SIK3: variants seen among roughly 807,000 people sequenced by gnomAD.
The protein encoded by SIK3 is serine/threonine-protein kinase SIK3.
A neutral mutation model predicts 144.2 loss-of-function variants in SIK3; 28 were observed. The ratio of observed to expected loss-of-function variants is 0.19; its 90% CI spans 0.14 to 0.27. The LOEUF (loss-of-function observed/expected upper bound fraction) is 0.27, where lower values mean the gene tolerates loss of function less well. SIK3 is among the 10% of genes least tolerant of loss of function. The pLI is 1.00. For synonymous variants in SIK3, 686 were observed against 676.3 expected, an observed-to-expected ratio of 1.01 and a Z score of -0.22; for missense variants, 1,319 against 1,776.0, an observed-to-expected ratio of 0.74 and a Z score of 4.62.
intron 4 of SIK3, among the ~76,000 whole-genome samples, chr11:116,910,278 A>C (rs1447001548): frequency 1.3e-5 from 2 of 152,152 alleles, no homozygotes; most frequent in Non-Finnish European, 2.9e-5. Context: ...CTTTTCCTTC[A>C]ATATGTAAAC....
At chr11:116,983,506 G>A (rs911201314) in intron 1 of SIK3, among the ~76,000 whole-genome samples, 7 of 151,966 alleles carry the variant, frequency 4.6e-5, no homozygotes, top group Admixed American at 4.6e-4. Context: ...CTCCAGCCTG[G>A]GCGACACAGC....
At chr11:116,991,641 C>A (rs1207253413) in intron 1 of SIK3, among the ~76,000 whole-genome samples, 1 of 152,186 alleles carries the variant, frequency 6.6e-6, no homozygotes, top group Non-Finnish European at 1.5e-5. Context: ...TCTAAAAGGT[C>A]TAACCAACCT....
intron 1 of SIK3, among the ~76,000 whole-genome samples, chr11:117,069,511 T>A (rs2135992548): frequency 6.6e-6 from 1 of 152,306 alleles, no homozygotes; most frequent in Non-Finnish European, 1.5e-5. Flanking sequence ...ACTGCCCCAA[T>A]TATCATATAA....
At chr11:116,847,683 C>G (rs1942088293) in intron 22 of SIK3, 75 bp from the exon 23 acceptor site, 8 of 1,592,032 alleles carry the variant, frequency 5.0e-6, no homozygotes. Context: ...ACAGCTGGTC[C>G]TTCTGAAGGA....
Position 116,967,914 on chromosome 11 carries a change from C to G in SIK3, c.274-10850G>C, listed in dbSNP as rs11216202. 8.2e-3 allele frequency among the ~76,000 whole-genome samples: 1,255 copies of G among 152,264 alleles called. 14 individuals are homozygous for G. The highest frequency in any genetic ancestry group is 0.026 in the African/African-American group (1,073 of 41,544). ...ACACTACCAGCGCTGACAGATAATG[C>G]CCCTCTGGGATTCCTTCAAAATGGA... On this transcript the variant is annotated intron_variant, in intron 1 of 24. Transcript: ENST00000445177.
intron 1 of SIK3, among the ~76,000 whole-genome samples, chr11:117,096,832 C>CA (rs1289212899): frequency 6.6e-6 from 1 of 151,936 alleles, no homozygotes; most frequent in African/African-American, 2.4e-5. Context: ...AAGCCACTGC[C>CA]AAAAAAGCAA....
rs562341640 is a variant in SIK3, at chr11:116,918,704, G to A, written c.616+8515C>T. ...TACACTTCAGTGTTCCAAGATATAC[G>A]AGAAACCGTAGGCTAAATAGGGTGC... On this transcript the variant is annotated intron_variant, in intron 4 of 24. Transcript: ENST00000445177. Among the ~76,000 whole-genome samples, 12 of 152,202 alleles carry A rather than the reference G, an allele frequency of 7.9e-5. No homozygotes were observed. The East Asian group carries it at 1.7e-3, about 22-fold the overall frequency.
At chr11:117,014,809 A>C (rs960915223) in intron 1 of SIK3, among the ~76,000 whole-genome samples, 1 of 152,190 alleles carries the variant, frequency 6.6e-6, no homozygotes, top group African/African-American at 2.4e-5. Flanking sequence ...TCACACCTGG[A>C]ATCTCTCACT....
At chr11:116,894,961 C>A (rs565834256) in intron 6 of SIK3, among the ~76,000 whole-genome samples, 88 of 152,238 alleles carry the variant, frequency 5.8e-4, no homozygotes, top group South Asian at 1.0e-3. Context: ...AAAGTCACTG[C>A]AAAATTTTTC....
In SIK3 at chr11:116,857,974, G is replaced by A. The variant is rs750093790; in HGVS notation, c.3491C>T (p.Thr1164Ile). 1 of 1,614,220 alleles carries A rather than the reference G, an allele frequency of 6.2e-7. No homozygotes were observed. Among genetic ancestry groups the A allele is most frequent in the Non-Finnish European group, 8.5e-7 (1 of 1,180,046 alleles). ...GCTGTCATGGCAACCTTTGGTCAATGTACTTGAACTCTTACTGTCTTGGAA... is the reference window on the plus strand; with the variant it reads ...GCTGTCATGGCAACCTTTGGTCAATATACTTGAACTCTTACTGTCTTGGAA... ...DGFQDSKSSSTLTKGCHDSPL... is the reference protein window; with the variant it reads ...DGFQDSKSSSILTKGCHDSPL... The change falls in exon 21 of 25, where the codon ACA becomes ATA. Residue 1164 changes from threonine to isoleucine, a missense_variant. Physicochemically the swap from Thr to Ile is moderately conservative, Grantham distance 89. Around this residue, in one of 8 missense-constraint regions of SIK3, gnomAD observed 646 missense variants for 763.7 expected, o/e 0.85. Coordinates refer to ENST00000445177, the MANE Select transcript of SIK3 (RefSeq NM_001366686.3).
At chr11:117,047,078 C>G (rs1591604632) in intron 1 of SIK3, among the ~76,000 whole-genome samples, 1 of 152,134 alleles carries the variant, frequency 6.6e-6, no homozygotes, top group East Asian at 1.9e-4. Flanking sequence ...TTTAATATAA[C>G]TTTTATCATA....
intron 4 of SIK3, among the ~76,000 whole-genome samples, chr11:116,914,529 C>G (rs917113307): frequency 6.6e-6 from 1 of 152,084 alleles, no homozygotes; most frequent in Non-Finnish European, 1.5e-5. Flanking sequence ...TGATGGACCA[C>G]AAATGTATTC....
chr11:116,981,998 T>C (rs7112772), intron 1 of SIK3, among the ~76,000 whole-genome samples: 10,740 of 152,260 alleles, frequency 0.071, 668 homozygotes, highest in African/African-American at 0.17. Flanking sequence ...AATCTTTGAG[T>C]ATGGGCGTCT....
At chr11:116,894,604 G>A (rs981387537) in intron 6 of SIK3, among the ~76,000 whole-genome samples, 1 of 152,194 alleles carries the variant, frequency 6.6e-6, no homozygotes, top group Non-Finnish European at 1.5e-5. Flanking sequence ...CAGCCACTTG[G>A]TAGCAGTGTT....
Position 116,915,124 on chromosome 11 carries a change from A to ATGTGTGTGTGTG in SIK3, c.616+12083_616+12094dup, listed in dbSNP as rs35059138. ...TATCATGTTTAGTAGGAAGCCATAT[A>ATGTGTGTGTGTG]TGTGTGTGTGTGTGTGTGTGTGTGT... is the stretch of plus-strand genomic sequence containing the variant. On this transcript the variant is annotated intron_variant, in intron 4 of 24. Coordinates refer to ENST00000445177, the MANE Select transcript of SIK3 (RefSeq NM_001366686.3). 8.1e-3 allele frequency among the ~76,000 whole-genome samples: 1,053 copies of ATGTGTGTGTGTG among 129,942 alleles called. 9 individuals are homozygous for ATGTGTGTGTGTG. Among genetic ancestry groups the ATGTGTGTGTGTG allele is most frequent in the South Asian group, 0.016 (56 of 3,594 alleles). The allele number at this position is 129,942 out of a possible 152,430, so 85.2% of individuals were successfully genotyped here.
At chr11:117,048,611 G>A (rs1229396890) in intron 1 of SIK3, among the ~76,000 whole-genome samples, 1 of 152,158 alleles carries the variant, frequency 6.6e-6, no homozygotes, top group East Asian at 1.9e-4. Flanking sequence ...AGCAGAGATC[G>A]GGCCATTGCA....
At chr11:116,885,902 G>A in intron 6 of SIK3, among the ~76,000 whole-genome samples, 1 of 152,142 alleles carries the variant, frequency 6.6e-6, no homozygotes, top group East Asian at 1.9e-4. Flanking sequence ...TCATAAAACA[G>A]CTTACCTCAG....
intron 1 of SIK3, among the ~76,000 whole-genome samples, chr11:117,045,455 C>T (rs1187987401): frequency 1.3e-5 from 2 of 152,154 alleles, no homozygotes; most frequent in Non-Finnish European, 2.9e-5. Flanking sequence ...ACGGTAATTG[C>T]TCCGTTGGTT....
intron 1 of SIK3, among the ~76,000 whole-genome samples, chr11:117,070,265 A>G (rs1418317224): frequency 6.6e-6 from 1 of 152,174 alleles, no homozygotes; most frequent in East Asian, 1.9e-4. Context: ...AACAAATATT[A>G]GGCAAACAAC....
Sources: gnomAD v4.1 joint callset for allele counts (sites outside exome capture counted in the v4.1 genomes callset) on GRCh38, gnomAD v4.1.1 for gene constraint, gnomAD v4.1.1 regional missense constraint, MANE v1.5 for transcripts, NCBI Gene and HGNC (gene_info 2026-07-23, HGNC 2026-07-21) for gene names.